ERBB4: variants seen among roughly 807,000 people sequenced by gnomAD.
The protein encoded by ERBB4 is erb-b2 receptor tyrosine kinase 4.
A neutral mutation model predicts 158.0 loss-of-function variants in ERBB4; 42 were observed. That is an observed-to-expected ratio of 0.27 (90% CI 0.21 to 0.34). The LOEUF (loss-of-function observed/expected upper bound fraction) is 0.34. Among genes scored for constraint, ERBB4 ranks in the 10% least tolerant of loss-of-function variants. The probability of loss-of-function intolerance (pLI) is 1.00; values close to 1 mark genes in which losing one functional copy is unlikely to be tolerated. For synonymous variants in ERBB4, 583 were observed against 558.7 expected (o/e 1.04, Z -0.61); for missense variants, 1,333 against 1,624.1 (o/e 0.82, Z 3.08).
chr2:211,531,968 T>A (rs145572643), intron 20 of ERBB4, among the ~76,000 whole-genome samples: 2,282 of 152,160 alleles, frequency 0.015, 60 homozygotes, highest in African/African-American at 0.052. Flanking sequence ...CCATAAAAAA[T>A]GAGATCCTGT....
At chr2:212,527,713 T>A (rs2106332771) in intron 1 of ERBB4, among the ~76,000 whole-genome samples, 1 of 151,506 alleles carries the variant, frequency 6.6e-6, no homozygotes, top group African/African-American at 2.4e-5. Context: ...TTTATTTATT[T>A]ATTATTATAC....
At chr2:211,492,675 A>G (rs774963677) in intron 20 of ERBB4, among the ~76,000 whole-genome samples, 10 of 152,124 alleles carry the variant, frequency 6.6e-5, no homozygotes, top group Non-Finnish European at 1.3e-4. Context: ...ACATTATGAG[A>G]CCTTTGAGTC....
At chr2:211,546,370 A>G (rs930247141) in intron 20 of ERBB4, among the ~76,000 whole-genome samples, 1 of 152,252 alleles carries the variant, frequency 6.6e-6, no homozygotes, top group South Asian at 2.1e-4. Flanking sequence ...CATATAGTAT[A>G]TATTTTGTTT....
At chr2:211,700,649 C>A (rs1415627951) in intron 12 of ERBB4, among the ~76,000 whole-genome samples, 1 of 152,112 alleles carries the variant, frequency 6.6e-6, no homozygotes. Flanking sequence ...ACTCAATAAA[C>A]AAATTATGTT....
intron 1 of ERBB4, among the ~76,000 whole-genome samples, chr2:212,152,609 T>C (rs532976257): frequency 6.6e-6 from 1 of 152,304 alleles, no homozygotes; most frequent in Non-Finnish European, 1.5e-5. Context: ...TGACTTTCAT[T>C]ACTTTCTTCA....
At position 211,385,780 on chromosome 2, in the gene ERBB4, T is replaced by C. The variant is rs142159763; in HGVS notation, c.3481+1073A>G. Among the ~76,000 whole-genome samples the C allele has an allele frequency of 1.3e-3, 204 of 152,296 alleles. 1 individual carries two copies. The highest frequency in any genetic ancestry group is 4.7e-3 in the African/African-American group (197 of 41,566). ...TATATATTGTCCTCATGCAAACTTA[T>C]ATAGCTGTCCAATAACTTTACGGTT... On this transcript the variant is annotated intron_variant, in intron 27 of 27. Coordinates refer to ENST00000342788, the MANE Select transcript of ERBB4 (RefSeq NM_005235.3).
At chr2:211,766,974 A>G (rs2075564656) in intron 4 of ERBB4, among the ~76,000 whole-genome samples, 1 of 152,172 alleles carries the variant, frequency 6.6e-6, no homozygotes. Context: ...GTCACCTTCC[A>G]ACACCAGTCT....
intron 12 of ERBB4, among the ~76,000 whole-genome samples, chr2:211,681,888 G>A (rs185779848): frequency 2.0e-4 from 30 of 150,834 alleles, no homozygotes; most frequent in African/African-American, 5.6e-4. Flanking sequence ...AAAAGTTTTT[G>A]GTGTGTCCAA....
chr2:211,764,987 T>G (rs993741978), intron 4 of ERBB4, among the ~76,000 whole-genome samples: 3 of 152,174 alleles, frequency 2.0e-5, no homozygotes, highest in African/African-American at 7.2e-5. Flanking sequence ...ACCAAAATCT[T>G]TGATGTGTGT....
At position 212,460,667 on chromosome 2, in the gene ERBB4, G is replaced by T. The variant is rs191146520; in HGVS notation, c.82+77782C>A. 1.5e-4 allele frequency among the ~76,000 whole-genome samples: 23 copies of T among 152,276 alleles called. No homozygotes were observed. The East Asian group carries it at 4.2e-3, about 28-fold the overall frequency. On this transcript the variant is annotated intron_variant, in intron 1 of 27. Transcript: ENST00000342788. ...AAAGCCTTCGAGAAGTGACTTAGAT[G>T]CTGTTAAAGCACTCAGTTTTGTAAA...
At chr2:211,651,491 A>G (rs1331768264) in intron 16 of ERBB4, among the ~76,000 whole-genome samples, 4 of 152,186 alleles carry the variant, frequency 2.6e-5, no homozygotes, top group Non-Finnish European at 5.9e-5. Flanking sequence ...TTTAAATTCT[A>G]ACCCAGGTGC....
At chr2:211,400,323 T>TAAAG (rs1432270796) in intron 25 of ERBB4, among the ~76,000 whole-genome samples, 2 of 146,116 alleles carry the variant, frequency 1.4e-5, no homozygotes, top group Non-Finnish European at 3.0e-5. Context: ...TCCAGTGACA[T>TAAAG]AAAGAAAATA....
At chr2:212,291,327 G>A (rs532524759) in intron 1 of ERBB4, among the ~76,000 whole-genome samples, 5 of 152,110 alleles carry the variant, frequency 3.3e-5, no homozygotes, top group South Asian at 2.1e-4. Context: ...TGATTCTAAC[G>A]AACAGTTATA....
intron 1 of ERBB4, among the ~76,000 whole-genome samples, chr2:212,227,155 G>T (rs189889434): frequency 6.6e-6 from 1 of 151,278 alleles, no homozygotes; most frequent in East Asian, 1.9e-4. Context: ...TGAGGCAGGA[G>T]AATTGTTTGA....
intron 1 of ERBB4, among the ~76,000 whole-genome samples, chr2:212,188,233 T>TCTCTCTCC (rs1559691540): frequency 6.0e-5 from 1 of 16,574 alleles, no homozygotes; most frequent in African/African-American, 2.8e-4. Flanking sequence ...TCTCTCTCTC[T>TCTCTCTCC]CCCCCCCCCT....
At chr2:212,239,462 C>A (rs139351129) in intron 1 of ERBB4, among the ~76,000 whole-genome samples, 5 of 152,260 alleles carry the variant, frequency 3.3e-5, no homozygotes, top group African/African-American at 4.8e-5. Context: ...AGTAAATCAC[C>A]ATCCAAAATA....
At chr2:211,707,168 C>A (rs1462284526) in intron 9 of ERBB4, among the ~76,000 whole-genome samples, 2 of 152,104 alleles carry the variant, frequency 1.3e-5, no homozygotes, top group African/African-American at 4.8e-5. Context: ...GAGAACACTT[C>A]CATGTTGCCA....
chr2:211,731,692 A>T (rs2074431434), intron 5 of ERBB4, among the ~76,000 whole-genome samples: 1 of 152,166 alleles, frequency 6.6e-6, no homozygotes, highest in Admixed American at 6.5e-5. Flanking sequence ...GTGACTAAAA[A>T]ACTGAACACT....
intron 2 of ERBB4, among the ~76,000 whole-genome samples, chr2:211,978,541 A>G: frequency 6.6e-6 from 1 of 152,244 alleles, no homozygotes; most frequent in East Asian, 1.9e-4. Context: ...TCCCAACCTT[A>G]GTCTCCCAAG....
Sources: gnomAD v4.1 joint callset for allele counts (sites outside exome capture counted in the v4.1 genomes callset) on GRCh38, gnomAD v4.1.1 for gene constraint, MANE v1.5 for transcripts, NCBI Gene and HGNC (gene_info 2026-07-23, HGNC 2026-07-21) for gene names.